MAP4: variants seen among roughly 807,000 people sequenced by gnomAD.
MAP4 encodes the protein microtubule associated protein 4, also known as microtubule-associated protein 4.
MAP4 carries 76 observed loss-of-function variants against 170.2 expected under a neutral mutation model. That is an observed-to-expected ratio of 0.45 (90% confidence interval 0.37 to 0.54). The LOEUF (loss-of-function observed/expected upper bound fraction) is 0.54, where lower values mean the gene tolerates loss of function less well. Ranked by LOEUF, MAP4 falls within the 20% of genes least tolerant of loss-of-function variation. MAP4 has a pLI of 0.00. For synonymous variants in MAP4, 909 were observed against 994.5 expected, an observed-to-expected ratio of 0.91 and a Z score of 1.62; for missense variants, 2,506 against 2,748.0, an observed-to-expected ratio of 0.91 and a Z score of 1.97.
chr3:47,917,752 G>A (rs2100040569), intron 6 of MAP4, among the ~76,000 whole-genome samples: 4 of 152,100 alleles, frequency 2.6e-5, no homozygotes, highest in Admixed American at 6.5e-5. Flanking sequence ...AAAATAACAC[G>A]GGCACAGAAT....
chr3:48,081,649 G>C lies in MAP4; in HGVS notation c.-20+7124C>G, dbSNP rs2100146748. On this transcript the variant is annotated intron_variant, in intron 1 of 18. Coordinates refer to the MAP4 transcript ENST00000360240. ...ACTCTGTGGTGCTGGATCAGCATCA[G>C]AGATATCAGTATAAACTCATGTTTA... 2.6e-5 allele frequency among the ~76,000 whole-genome samples: 4 copies of C among 152,136 alleles called. No individual in the cohort carries two copies. In the South Asian group the frequency reaches 8.3e-4, roughly 31 times the overall value.
intron 1 of MAP4, among the ~76,000 whole-genome samples, chr3:48,012,258 C>A (rs959051303): frequency 1.3e-5 from 2 of 152,182 alleles, no homozygotes; most frequent in Non-Finnish European, 2.9e-5. Context: ...CTACCATGTT[C>A]TCTCTTTTTG....
Position 47,871,997 on chromosome 3 carries a change from T to A in MAP4, c.5861A>T (p.Lys1954Ile). The part of the protein sequence containing the change: ...SGSKSTQTVA[K>I]TTTAAAVAST... Reference sequence around the variant, plus strand: ...GGCAACAGCAGCAGCTGTTGTGGTTTTTGCAACAGTCTGAGTGCTCTTGGA... The same window carrying A: ...GGCAACAGCAGCAGCTGTTGTGGTTATTGCAACAGTCTGAGTGCTCTTGGA... The change falls in exon 13 of 21, where the codon AAA (lysine) becomes ATA (isoleucine). Residue 1954 changes from lysine to isoleucine, a missense_variant. Lys to Ile is a moderately radical substitution (Grantham distance 102). This residue lies in a region of MAP4 where 487 missense variants were observed against 511.6 expected (regional missense o/e 0.95). Transcript: ENST00000683076. 1 of 1,614,074 alleles carries A rather than the reference T, an allele frequency of 6.2e-7. No individual in the cohort carries two copies. The highest frequency in any genetic ancestry group is 8.5e-7 in the Non-Finnish European group (1 of 1,179,988).
At chr3:48,031,037 G>A (rs1324018657) in intron 1 of MAP4, among the ~76,000 whole-genome samples, 1 of 151,870 alleles carries the variant, frequency 6.6e-6, no homozygotes, top group Non-Finnish European at 1.5e-5. Flanking sequence ...CTTCTAAAGA[G>A]TACAATATGA....
chr3:47,995,701 G>A (rs985275762), intron 2 of MAP4, among the ~76,000 whole-genome samples: 3 of 151,836 alleles, frequency 2.0e-5, no homozygotes, highest in Admixed American at 6.6e-5. Flanking sequence ...CAAAAGCAAC[G>A]TCACTCCCAC....
intron 1 of MAP4, among the ~76,000 whole-genome samples, chr3:48,067,350 T>A (rs2100138827): frequency 6.6e-6 from 1 of 151,992 alleles, no homozygotes; most frequent in South Asian, 2.1e-4. Context: ...TATTTTTAAA[T>A]TTTTTTTGGC....
chr3:47,993,539 C>T (rs747906389), intron 2 of MAP4, among the ~76,000 whole-genome samples: 10 of 152,170 alleles, frequency 6.6e-5, no homozygotes, highest in Non-Finnish European at 1.2e-4. Context: ...GCAAACTTTC[C>T]ACTCAACTGG....
chr3:47,875,978 TA>T (rs887541608), intron 11 of MAP4, 78 bp from the exon 12 acceptor site: 8 of 1,079,202 alleles, frequency 7.4e-6, no homozygotes, highest in Admixed American at 4.7e-5. Context: ...AAAAACAAAT[TA>T]AAAAAAGTAT....
chr3:48,018,091 C>T (rs1047221513), upstream of MAP4, among the ~76,000 whole-genome samples: 2 of 152,208 alleles, frequency 1.3e-5, no homozygotes, highest in East Asian at 1.9e-4. Context: ...AACTCAGGCA[C>T]ACTTATCGCA....
In MAP4 at chr3:48,062,310, AAG is replaced by A. The variant is rs547252847; in HGVS notation, c.-20+26461_-20+26462del. ...GATGCTTGAAGGCAGCATGCTCCTT[AAG>A]AGTCATCACCACTCCCTAATCTCAA... On this transcript the variant is annotated intron_variant, in intron 1 of 18. Transcript: ENST00000360240. Among the ~76,000 whole-genome samples the A allele has an allele frequency of 3.0e-4, 45 of 152,090 alleles. No homozygotes were observed. The East Asian group carries it at 7.7e-3, about 26-fold the overall frequency.
chr3:48,034,632 G>A (rs971889259), intron 1 of MAP4, among the ~76,000 whole-genome samples: 1 of 151,876 alleles, frequency 6.6e-6, no homozygotes, highest in African/African-American at 2.4e-5. Flanking sequence ...TGAACCTGGA[G>A]GGGGAGGTTG....
At chr3:47,931,935 C>T (rs891397114) in intron 3 of MAP4, 2 of 152,098 alleles carry the variant, frequency 1.3e-5, no homozygotes, top group African/African-American at 4.8e-5. Context: ...TTTTAAATAA[C>T]AGTTTTATCG....
chr3:47,872,252 C>T (rs1235449315), intron 12 of MAP4, 152 bp from the exon 13 acceptor site: 21 of 651,656 alleles, frequency 3.2e-5, no homozygotes, highest in Non-Finnish European at 5.1e-5. Flanking sequence ...GGCATGATCT[C>T]GGCTCACTGC....
chr3:47,948,545 T>C (rs1048524539), intron 3 of MAP4, among the ~76,000 whole-genome samples: 1 of 151,836 alleles, frequency 6.6e-6, no homozygotes, highest in Non-Finnish European at 1.5e-5. Flanking sequence ...ACCTATTCTA[T>C]AGAAAGGGGT....
intron 10 of MAP4, among the ~76,000 whole-genome samples, chr3:47,887,891 A>G (rs1389092229): frequency 3.3e-5 from 5 of 152,078 alleles, no homozygotes; most frequent in Non-Finnish European, 7.4e-5. Flanking sequence ...AAACACACCA[A>G]TCAGCACCCT....
At chr3:47,971,730 A>G (rs926732166) in intron 3 of MAP4, among the ~76,000 whole-genome samples, 2 of 152,250 alleles carry the variant, frequency 1.3e-5, no homozygotes, top group South Asian at 2.1e-4. Flanking sequence ...CGGCATCAAC[A>G]TAAAATTGAG....
chr3:48,082,458 A>T (rs1376736918), intron 1 of MAP4, among the ~76,000 whole-genome samples: 2 of 152,234 alleles, frequency 1.3e-5, no homozygotes, highest in Non-Finnish European at 2.9e-5. Flanking sequence ...AAGTAAAATT[A>T]AAAAGCAGAA....
intron 9 of MAP4, among the ~76,000 whole-genome samples, chr3:47,904,554 T>G (rs1371758710): frequency 6.6e-6 from 1 of 151,250 alleles, no homozygotes; most frequent in African/African-American, 2.4e-5. Context: ...TCAGGTGATC[T>G]GCTGCGCCTG....
At position 47,871,940 on chromosome 3, in the gene MAP4, G is replaced by C. The variant is rs112516700; in HGVS notation, c.5918C>G (p.Thr1973Arg). The change falls in exon 13 of 21, where the codon ACG (threonine) becomes AGG (arginine). Residue 1973 changes from threonine to arginine, a missense_variant. Thr to Arg is a moderately conservative substitution (Grantham distance 71). Coordinates refer to ENST00000683076, the MANE Select transcript of MAP4 (RefSeq NM_001385682.1). ...ACCAGTGGGCTTCTTGGGCAGGAGC[G>C]TGGAGGGGCTCCTACTGCTTGGGCC... ...STGPSSRSPS[T>R]LLPKKPTAIK... 1 of 1,612,878 alleles carries C rather than the reference G, an allele frequency of 6.2e-7. No individual in the cohort carries two copies. Among genetic ancestry groups the C allele is most frequent in the African/African-American group, 1.3e-5 (1 of 75,022 alleles).
Sources: gnomAD v4.1 joint callset for allele counts (sites outside exome capture counted in the v4.1 genomes callset) on GRCh38, gnomAD v4.1.1 for gene constraint, gnomAD v4.1.1 regional missense constraint, MANE v1.5 for transcripts, NCBI Gene and HGNC (gene_info 2026-07-23, HGNC 2026-07-21) for gene names.